ARNT2: variants seen among roughly 807,000 people sequenced by gnomAD.
ARNT2 encodes the protein aryl hydrocarbon receptor nuclear translocator 2, also known as ARNT protein 2.
In ARNT2, 36 loss-of-function variants were observed where a neutral mutation model predicts 91.7. The observed-to-expected ratio is 0.39, with a 90% CI of 0.30 to 0.52. The LOEUF (loss-of-function observed/expected upper bound fraction) is 0.52, where lower values mean the gene tolerates loss of function less well. ARNT2 is among the 20% of genes least tolerant of loss of function. ARNT2 has a pLI of 0.72. For missense variants in ARNT2, 775 were observed against 939.3 expected (o/e 0.83, Z 2.29); for synonymous variants, 365 against 347.1 (o/e 1.05, Z -0.57).
At chr15:80,444,360 G>C (rs1896251809) in intron 1 of ARNT2, 1 of 60,072 alleles carries the variant, frequency 1.7e-5, no homozygotes, top group South Asian at 4.2e-4. Flanking sequence ...TACGTGGTGT[G>C]TGTGTGTGTG....
intron 16 of ARNT2, 55 bp from the exon 17 acceptor site, chr15:80,581,184 G>A (rs778246346): frequency 2.5e-6 from 4 of 1,599,860 alleles, no homozygotes; most frequent in Admixed American, 3.3e-5. Context: ...CATCGGTTGG[G>A]GTGCAGGGGT....
At chr15:80,496,919 G>A (rs1897132310) in intron 5 of ARNT2, among the ~76,000 whole-genome samples, 1 of 152,172 alleles carries the variant, frequency 6.6e-6, no homozygotes, top group Non-Finnish European at 1.5e-5. Flanking sequence ...TCCACAGTGG[G>A]TGGTTGTGAT....
At chr15:80,488,227 C>T (rs1450732012) in intron 5 of ARNT2, among the ~76,000 whole-genome samples, 3 of 152,130 alleles carry the variant, frequency 2.0e-5, no homozygotes, top group Non-Finnish European at 2.9e-5. Flanking sequence ...AGGGAGTAGG[C>T]GGTGAAAGTT....
At chr15:80,553,266 C>T (rs946453877) in intron 10 of ARNT2, among the ~76,000 whole-genome samples, 1 of 152,020 alleles carries the variant, frequency 6.6e-6, no homozygotes, top group Non-Finnish European at 1.5e-5. Context: ...GCAGTTGTCC[C>T]AGATTAAAAT....
intron 4 of ARNT2, among the ~76,000 whole-genome samples, chr15:80,471,761 T>G (rs1896734223): frequency 6.6e-6 from 1 of 152,196 alleles, no homozygotes; most frequent in Admixed American, 6.5e-5. Context: ...AGGGTTAATC[T>G]GCTGCTTAGT....
chr15:80,441,324 C>T (rs1486273699), intron 1 of ARNT2: 1 of 985,146 alleles, frequency 1.0e-6, no homozygotes, highest in Non-Finnish European at 1.2e-6. Flanking sequence ...ACAGATTCTC[C>T]TAAGAAGGTG....
At chr15:80,557,675 T>C (rs2141461249) in intron 11 of ARNT2, among the ~76,000 whole-genome samples, 1 of 152,132 alleles carries the variant, frequency 6.6e-6, no homozygotes, top group South Asian at 2.1e-4. Context: ...CTCATCACCA[T>C]CCACCTGTTT....
At chr15:80,493,078 G>A (rs1286125737) in intron 5 of ARNT2, among the ~76,000 whole-genome samples, 8 of 152,196 alleles carry the variant, frequency 5.3e-5, no homozygotes, top group Non-Finnish European at 1.0e-4. Flanking sequence ...AGGGGCCCTC[G>A]TGCTGTGTCA....
intron 5 of ARNT2, among the ~76,000 whole-genome samples, chr15:80,497,331 G>A (rs1309876179): frequency 1.3e-5 from 2 of 152,240 alleles, no homozygotes; most frequent in Non-Finnish European, 2.9e-5. Flanking sequence ...AAAAGGATTT[G>A]ATAGGCCATG....
At chr15:80,425,270 T>C (rs1251703305) in intron 1 of ARNT2, among the ~76,000 whole-genome samples, 1 of 152,244 alleles carries the variant, frequency 6.6e-6, no homozygotes, top group Non-Finnish European at 1.5e-5. Flanking sequence ...ACAGAAGACT[T>C]ACTGTTTCTG....
chr15:80,448,121 A>G (rs1896332412), intron 1 of ARNT2, among the ~76,000 whole-genome samples: 1 of 151,928 alleles, frequency 6.6e-6, no homozygotes. Context: ...CCTTGTCCTT[A>G]ATTTTTAAAA....
At position 80,425,790 on chromosome 15, in the gene ARNT2, A is replaced by C. The variant is rs576948565; in HGVS notation, c.31+21244A>C. Among the ~76,000 whole-genome samples, 3 of 152,228 alleles carry C rather than the reference A, an allele frequency of 2.0e-5. No homozygotes were observed. In the South Asian group the frequency reaches 6.2e-4, roughly 32 times the overall value. ...GGGCCAGGCATAGTAGCTCATGCCTATAATCCCAACACTTTGGGAGGCCAA... is the reference window on the plus strand; with the variant it reads ...GGGCCAGGCATAGTAGCTCATGCCTCTAATCCCAACACTTTGGGAGGCCAA... On this transcript the variant is annotated intron_variant, in intron 1 of 18. Coordinates refer to ENST00000303329, the MANE Select transcript of ARNT2 (RefSeq NM_014862.4).
At position 80,503,268 on chromosome 15, in the gene ARNT2, G is replaced by T. The variant is rs371700749; in HGVS notation, c.623-4888G>T. 9.5e-4 allele frequency among the ~76,000 whole-genome samples: 144 copies of T among 152,318 alleles called. 4 individuals carry two copies. The South Asian group carries it at 0.03, about 31-fold the overall frequency. On this transcript the variant is annotated intron_variant, in intron 5 of 18. Coordinates refer to ENST00000303329, the MANE Select transcript of ARNT2 (RefSeq NM_014862.4). ...CTGGGATTCACAACCCAGTGCTGGG[G>T]CGATGGCCACTTGATTTTGTACATC...
chr15:80,510,132 G>C (rs977915757), intron 6 of ARNT2, among the ~76,000 whole-genome samples: 1 of 152,176 alleles, frequency 6.6e-6, no homozygotes, highest in African/African-American at 2.4e-5. Flanking sequence ...CTCAGATTTT[G>C]AGTGTATTTC....
chr15:80,562,074 T>C (rs937692091), intron 11 of ARNT2, among the ~76,000 whole-genome samples: 3 of 135,612 alleles, frequency 2.2e-5, no homozygotes, highest in Non-Finnish European at 4.6e-5. Flanking sequence ...TTATTCTTCT[T>C]CCTTCTTTTT....
intron 1 of ARNT2, among the ~76,000 whole-genome samples, chr15:80,430,390 A>T (rs1448346537): frequency 2.0e-5 from 3 of 152,166 alleles, no homozygotes; most frequent in African/African-American, 7.2e-5. Flanking sequence ...AAGATCATCT[A>T]TGTGTCATTT....
intron 8 of ARNT2, among the ~76,000 whole-genome samples, chr15:80,525,453 A>T (rs1162697761): frequency 6.6e-6 from 1 of 152,158 alleles, no homozygotes; most frequent in Non-Finnish European, 1.5e-5. Flanking sequence ...TTTGTTCATC[A>T]TCTCATTCTA....
intron 11 of ARNT2, among the ~76,000 whole-genome samples, chr15:80,561,355 C>A (rs1033829432): frequency 6.6e-6 from 1 of 152,172 alleles, no homozygotes; most frequent in Non-Finnish European, 1.5e-5. Context: ...AACTCCTGCT[C>A]ACTGTATTTT....
intron 1 of ARNT2, among the ~76,000 whole-genome samples, chr15:80,437,354 T>A (rs1896103780): frequency 6.6e-6 from 1 of 152,190 alleles, no homozygotes; most frequent in Non-Finnish European, 1.5e-5. Flanking sequence ...CCACTCCATC[T>A]CTCTTATCCC....
Sources: gnomAD v4.1 joint callset for allele counts (sites outside exome capture counted in the v4.1 genomes callset) on GRCh38, gnomAD v4.1.1 for gene constraint, MANE v1.5 for transcripts, NCBI Gene and HGNC (gene_info 2026-07-23, HGNC 2026-07-21) for gene names.